RARS2: variants seen among roughly 807,000 people sequenced by gnomAD.
RARS2 encodes arginyl-tRNA synthetase 2, mitochondrial.
In RARS2, 67 loss-of-function variants were observed where a neutral mutation model predicts 88.5. The ratio of observed to expected loss-of-function variants is 0.76; its 90% confidence interval spans 0.62 to 0.93. The LOEUF (loss-of-function observed/expected upper bound fraction) is 0.93. RARS2 is among the 40% of genes least tolerant of loss of function. The pLI is 0.00. For missense variants in RARS2, 664 were observed against 684.2 expected (o/e 0.97, Z 0.33); for synonymous variants, 239 against 230.3 (o/e 1.04, Z -0.34).
Position 87,541,930 on chromosome 6 carries a change from C to A in RARS2, c.600G>T (p.Gln200His). 1 of 1,612,704 alleles carries A rather than the reference C, an allele frequency of 6.2e-7. No individual in the cohort carries two copies. Among genetic ancestry groups the A allele is most frequent in the Non-Finnish European group, 8.5e-7 (1 of 1,178,886 alleles). ...CTTGCCAACTTACTTCAAAGAGATG[C>A]TGTAGAGGATTGGACTGCAGTTTTT... Reference protein sequence around the residue: ...YEEKLQSNPLQHLFEVYVQVN... With the variant: ...YEEKLQSNPLHHLFEVYVQVN... Residue 200 changes from glutamine to histidine, a missense_variant, in exon 8 of 20, where the codon CAG becomes CAT. Transcript: ENST00000369536.
At chr6:87,553,251 C>T (rs1370059070) in intron 5 of RARS2, among the ~76,000 whole-genome samples, 1 of 151,976 alleles carries the variant, frequency 6.6e-6, no homozygotes, top group Non-Finnish European at 1.5e-5. Flanking sequence ...AAGTAAAGAG[C>T]CATTTTTGAT....
intron 9 of RARS2, among the ~76,000 whole-genome samples, 194 bp from the exon 10 acceptor site, chr6:87,529,842 G>A (rs932731394): frequency 5.9e-5 from 9 of 151,608 alleles, no homozygotes; most frequent in Non-Finnish European, 1.0e-4. Context: ...GATCACTTGC[G>A]CCCAGGAGTT....
intron 10 of RARS2, among the ~76,000 whole-genome samples, chr6:87,525,766 C>T (rs1243801985): frequency 3.3e-5 from 5 of 152,128 alleles, no homozygotes; most frequent in Admixed American, 6.5e-5. Context: ...AGGCTGGTCT[C>T]GAACTCCTGA....
chr6:87,532,758 G>A (rs529387366), intron 8 of RARS2, among the ~76,000 whole-genome samples: 1 of 152,140 alleles, frequency 6.6e-6, no homozygotes, highest in Admixed American at 6.5e-5. Flanking sequence ...GGGGGGAGGA[G>A]TGGTCTTAGG....
intron 1 of RARS2, among the ~76,000 whole-genome samples, chr6:87,582,124 C>A (rs35203854): frequency 6.6e-6 from 1 of 152,158 alleles, no homozygotes; most frequent in East Asian, 1.9e-4. Flanking sequence ...ATATACCCTG[C>A]AATGGGATTG....
intron 4 of RARS2, among the ~76,000 whole-genome samples, chr6:87,560,876 A>T (rs1787648500): frequency 6.6e-6 from 1 of 152,220 alleles, no homozygotes; most frequent in African/African-American, 2.4e-5. Flanking sequence ...CAACAAGAGC[A>T]AAACTCCGTC....
chr6:87,525,611 C>T (rs6921432), intron 10 of RARS2, among the ~76,000 whole-genome samples: 13,651 of 150,516 alleles, frequency 0.091, 659 homozygotes, highest in African/African-American at 0.12. Context: ...TGCAGTGGCA[C>T]GATCTCAGCT....
intron 7 of RARS2, among the ~76,000 whole-genome samples, chr6:87,543,864 G>T (rs1223544288): frequency 6.6e-6 from 1 of 152,170 alleles, no homozygotes; most frequent in East Asian, 1.9e-4. Context: ...ATTCAGGGTG[G>T]TTGGAGCAGT....
Position 87,518,864 on chromosome 6 carries a change from T to C in RARS2, c.1265A>G (p.Glu422Gly), listed in dbSNP as rs1343094874. 1.2e-6 allele frequency: 2 copies of C among 1,613,986 alleles called. No homozygotes were observed. The highest frequency in any genetic ancestry group is 2.2e-5 in the South Asian group (2 of 91,064). Reference sequence around the variant, plus strand: ...TGCGAGCCCGACCCTCTCTGCAGTCTCTTGTGGGTTCTTGAGTTCTTTAGT... The same window carrying C: ...TGCGAGCCCGACCCTCTCTGCAGTCCCTTGTGGGTTCTTGAGTTCTTTAGT... ...KTTKELKNPQ[E>G]TAERVGLAAL... The change falls in exon 15 of 20, where the codon GAG becomes GGG. Residue 422 changes from glutamate to glycine, a missense_variant. By Grantham distance (98) the Glu-to-Gly change is moderately conservative. Transcript: ENST00000369536.
chr6:87,544,546 G>C (rs1782012857), intron 7 of RARS2, among the ~76,000 whole-genome samples: 1 of 152,192 alleles, frequency 6.6e-6, no homozygotes, highest in Non-Finnish European at 1.5e-5. Flanking sequence ...CTTTGTGTCA[G>C]AGAATGCTTT....
chr6:87,542,314 A>G (rs564888909), intron 7 of RARS2, among the ~76,000 whole-genome samples: 2 of 152,330 alleles, frequency 1.3e-5, no homozygotes, highest in East Asian at 3.9e-4. Flanking sequence ...CCTAGCAGAC[A>G]TTAAAAAATA....
In RARS2 at chr6:87,562,828, G is replaced by C. The variant is rs765468653; in HGVS notation, c.214-43C>G. On this transcript the variant is annotated intron_variant, in intron 3 of 19. Transcript: ENST00000369536. ...CACAAAGTAGGTATGTTATATAATA[G>C]GCCTAATGAGATAGGTAGTTCTAAT... 13 of 1,425,638 alleles carry C rather than the reference G, an allele frequency of 9.1e-6. No individual in the cohort carries two copies. The Admixed American group carries it at 1.5e-4, about 17-fold the overall frequency. The allele number at this position is 1,425,638 out of a possible 1,614,324, so 88.3% of individuals were successfully genotyped here.
intron 10 of RARS2, among the ~76,000 whole-genome samples, chr6:87,525,222 T>C (rs1775279559): frequency 1.3e-5 from 2 of 152,182 alleles, no homozygotes; most frequent in Non-Finnish European, 2.9e-5. Context: ...GACATGTCTC[T>C]TAAGCAATTG....
chr6:87,564,966 G>A (rs1481143743), intron 2 of RARS2, among the ~76,000 whole-genome samples: 2 of 152,064 alleles, frequency 1.3e-5, no homozygotes, highest in African/African-American at 2.4e-5. Flanking sequence ...GCTTAGGCAC[G>A]AGAATTGCTT....
rs1206806088 is a variant in RARS2 at position 87,520,185 on chromosome 6, T to C, written c.1107A>G (p.Ala369=). The stretch of plus-strand genomic sequence containing the variant: ...AAGAACCATGCAGACATTACCTTTC[T>C]GCCCAGTCATATCCCATGATCTTCA... ...QMLKIMGYDW[A]ERCQHVPFGV... The change falls in exon 13 of 20, where the codon GCA becomes GCG. Residue 369 remains alanine, a synonymous_variant. Coordinates refer to ENST00000369536, the MANE Select transcript of RARS2 (RefSeq NM_020320.5). 1.2e-6 allele frequency: 2 copies of C among 1,612,962 alleles called. No homozygotes were observed. Among genetic ancestry groups the C allele is most frequent in the Non-Finnish European group, 1.7e-6 (2 of 1,179,078 alleles).
chr6:87,535,374 G>A (rs1302496237), intron 8 of RARS2, among the ~76,000 whole-genome samples: 1 of 152,154 alleles, frequency 6.6e-6, no homozygotes, highest in Non-Finnish European at 1.5e-5. Flanking sequence ...CTAATTCCAT[G>A]TTTTTAAAAA....
At chr6:87,519,382 G>C (rs1029788345) in intron 14 of RARS2, among the ~76,000 whole-genome samples, 1 of 151,974 alleles carries the variant, frequency 6.6e-6, no homozygotes, top group Non-Finnish European at 1.5e-5. Flanking sequence ...CAAGGTTATA[G>C]TAATTCAGAT....
In RARS2 at chr6:87,572,949, A is replaced by G. The variant is rs1770258299; in HGVS notation, c.37-3359T>C. On this transcript the variant is annotated intron_variant, in intron 1 of 19. Coordinates refer to ENST00000369536, the MANE Select transcript of RARS2 (RefSeq NM_020320.5). ...ATATATATATACATACTCAGTAAAT[A>G]GCAGGAATGAAGTTTTCCTGAAAGT... 5.9e-5 allele frequency among the ~76,000 whole-genome samples: 9 copies of G among 152,218 alleles called. No homozygotes were observed. The South Asian group carries it at 1.9e-3, about 31-fold the overall frequency.
intron 5 of RARS2, among the ~76,000 whole-genome samples, chr6:87,553,085 T>C (rs1253673962): frequency 6.6e-6 from 1 of 152,206 alleles, no homozygotes; most frequent in East Asian, 1.9e-4. Flanking sequence ...ATCTTGTGAC[T>C]TGCTTTCATC....
Sources: gnomAD v4.1 joint callset for allele counts (sites outside exome capture counted in the v4.1 genomes callset) on GRCh38, gnomAD v4.1.1 for gene constraint, MANE v1.5 for transcripts, NCBI Gene and HGNC (gene_info 2026-07-23, HGNC 2026-07-21) for gene names.